DISC1: variants seen among roughly 807,000 people sequenced by gnomAD.
The protein encoded by DISC1 is DISC1 scaffold protein.
Under a neutral mutation model 84.5 loss-of-function variants are expected in DISC1, and 57 were observed. The ratio of observed to expected loss-of-function variants is 0.67; its 90% CI spans 0.55 to 0.84. DISC1 has a LOEUF of 0.84. Ranked by LOEUF, DISC1 falls within the 40% of genes least tolerant of loss-of-function variation. The pLI, the probability that DISC1 is intolerant of heterozygous loss-of-function variation, is 0.00. For synonymous variants in DISC1, 411 were observed against 415.2 expected, an observed-to-expected ratio of 0.99 and a Z score of 0.12; for missense variants, 1,000 against 1,057.8, an observed-to-expected ratio of 0.95 and a Z score of 0.76.
chr1:231,920,325 C>T (rs2089917912), intron 9 of DISC1, among the ~76,000 whole-genome samples: 1 of 152,182 alleles, frequency 6.6e-6, no homozygotes, highest in African/African-American at 2.4e-5. Flanking sequence ...TCATTAAGGA[C>T]ATTCACATTG....
chr1:231,866,637 C>A lies in DISC1; in HGVS notation c.1981+48120C>A, dbSNP rs2085081601. 10 of 1,579,768 alleles carry A rather than the reference C, an allele frequency of 6.3e-6. No homozygotes were observed. In the South Asian group the frequency reaches 8.2e-5, roughly 13 times the overall value. On this transcript the variant is annotated intron_variant, in intron 9 of 12. Transcript: ENST00000439617. ...ACCCAGAGAGTCTGACTTCAGCCCCCAGCGCTCAACTACTATTAATTGAAA... is the reference window on the plus strand; with the variant it reads ...ACCCAGAGAGTCTGACTTCAGCCCCAAGCGCTCAACTACTATTAATTGAAA...
intron 8 of DISC1, among the ~76,000 whole-genome samples, chr1:231,811,809 C>T (rs868510550): frequency 9.2e-5 from 14 of 152,170 alleles, no homozygotes; most frequent in African/African-American, 2.7e-4. Flanking sequence ...TCAAGTTCAG[C>T]AATCTCGCAT....
intron 11 of DISC1, among the ~76,000 whole-genome samples, chr1:232,018,403 T>C (rs1324295098): frequency 6.6e-6 from 1 of 152,224 alleles, no homozygotes; most frequent in Admixed American, 6.5e-5. Context: ...GTCATGGAAT[T>C]TGTGACTGTT....
In DISC1 at chr1:231,841,102, G is replaced by A. The variant is rs138013500; in HGVS notation, c.1981+22585G>A. Reference sequence around the variant, plus strand: ...TTGAGGCCTGACATGATGCTCAAAGGAAAAGCTCATAGAAGCATTTCGGAT... The same window carrying A: ...TTGAGGCCTGACATGATGCTCAAAGAAAAAGCTCATAGAAGCATTTCGGAT... On this transcript the variant is annotated intron_variant, in intron 9 of 12. Coordinates refer to ENST00000439617, the MANE Select transcript of DISC1 (RefSeq NM_018662.3). 9.7e-3 allele frequency among the ~76,000 whole-genome samples: 1,469 copies of A among 152,078 alleles called. 23 individuals are homozygous for A. The highest frequency in any genetic ancestry group is 0.032 in the African/African-American group (1,345 of 41,464).
intron 9 of DISC1, among the ~76,000 whole-genome samples, chr1:231,927,919 C>T (rs1306367061): frequency 2.6e-5 from 4 of 152,210 alleles, no homozygotes; most frequent in Non-Finnish European, 4.4e-5. Context: ...GGCTGCCCCG[C>T]CAGGCCACTC....
chr1:231,944,908 C>G (rs1055576402), intron 9 of DISC1: 1 of 152,178 alleles, frequency 6.6e-6, no homozygotes, highest in Admixed American at 6.5e-5. Context: ...CTAAATATAT[C>G]TGCACCCAAT....
intron 3 of DISC1, among the ~76,000 whole-genome samples, chr1:231,721,484 A>G (rs2069692677): frequency 6.6e-6 from 1 of 152,228 alleles, no homozygotes; most frequent in African/African-American, 2.4e-5. Flanking sequence ...ATATATCAAA[A>G]CTGTATCAAA....
At chr1:231,831,850 G>T (rs1207051044) in intron 9 of DISC1, among the ~76,000 whole-genome samples, 12 of 14,578 alleles carry the variant, frequency 8.2e-4, no homozygotes, top group Non-Finnish European at 1.6e-3. Flanking sequence ...GAGAGGTAGT[G>T]GGGGGGGGTG....
chr1:231,859,551 A>G (rs1177162326), intron 9 of DISC1, among the ~76,000 whole-genome samples: 3 of 128,860 alleles, frequency 2.3e-5, no homozygotes, highest in Non-Finnish European at 4.8e-5. Context: ...AAACCCCTAC[A>G]TCTTAATACC....
At chr1:231,834,956 C>T (rs1263277819) in intron 9 of DISC1, among the ~76,000 whole-genome samples, 1 of 152,138 alleles carries the variant, frequency 6.6e-6, no homozygotes, top group Non-Finnish European at 1.5e-5. Flanking sequence ...AGATAAAACG[C>T]GTCTCCTTCA....
chr1:231,649,181 C>T (rs542868807), intron 1 of DISC1, among the ~76,000 whole-genome samples: 5 of 152,318 alleles, frequency 3.3e-5, no homozygotes, highest in African/African-American at 9.6e-5. Context: ...CCTGCTTTCT[C>T]TTATGGACAT....
At chr1:231,754,934 C>T (rs1470440750) in intron 4 of DISC1, among the ~76,000 whole-genome samples, 3 of 152,122 alleles carry the variant, frequency 2.0e-5, no homozygotes, top group Non-Finnish European at 1.5e-5. Flanking sequence ...AGTGAATGTT[C>T]CATTCACTTT....
chr1:231,834,757 A>C (rs1256668109), intron 9 of DISC1, among the ~76,000 whole-genome samples: 2 of 151,692 alleles, frequency 1.3e-5, no homozygotes, highest in East Asian at 2.0e-4. Flanking sequence ...GAGAGAAGGG[A>C]TGGGGGGTTC....
At position 231,795,284 on chromosome 1, in the gene DISC1, A is replaced by G; in HGVS notation, c.1677A>G (p.Glu559=). ...RIKSLNLSLK[E]ITTKVCMSEK... is the part of the protein sequence containing the mutation. ...AATCCCTCAACTTGTCACTTAAAGA[A>G]ATCACTACTAAGGTAAGTACCTTTA... Residue 559 remains glutamate (E), a synonymous_variant, in exon 7 of 13, where the codon GAA becomes GAG. Coordinates refer to ENST00000439617, the MANE Select transcript of DISC1 (RefSeq NM_018662.3). The G allele has an allele frequency of 6.2e-7, 1 of 1,613,390 alleles. No individual in the cohort carries two copies. The highest frequency in any genetic ancestry group is 8.5e-7 in the Non-Finnish European group (1 of 1,179,434).
At chr1:232,007,374 A>G (rs1052217578) in intron 10 of DISC1, among the ~76,000 whole-genome samples, 10 of 152,200 alleles carry the variant, frequency 6.6e-5, no homozygotes, top group African/African-American at 1.7e-4. Flanking sequence ...GCAAAGCCAT[A>G]GGGGTGGAGC....
At chr1:231,941,464 C>T (rs559656212) in intron 9 of DISC1, among the ~76,000 whole-genome samples, 1 of 148,816 alleles carries the variant, frequency 6.7e-6, no homozygotes, top group South Asian at 2.2e-4. Flanking sequence ...GTGCTCTCCC[C>T]ATGAAACTTC....
chr1:231,690,286 C>G (rs1242252523), intron 1 of DISC1, among the ~76,000 whole-genome samples: 1 of 152,158 alleles, frequency 6.6e-6, no homozygotes, highest in Non-Finnish European at 1.5e-5. Context: ...TGATCTGTTG[C>G]GGAACAAGAG....
At chr1:231,813,553 T>C (rs796267341) in intron 8 of DISC1, among the ~76,000 whole-genome samples, 2 of 152,230 alleles carry the variant, frequency 1.3e-5, no homozygotes, top group African/African-American at 4.8e-5. Flanking sequence ...AAATTACCGA[T>C]CCGGGAAAAG....
chr1:232,009,112 G>A lies in DISC1; in HGVS notation c.2307+63G>A. 6.2e-7 allele frequency: 1 copy of A among 1,607,168 alleles called. No individual in the cohort carries two copies. Among genetic ancestry groups the A allele is most frequent in the Non-Finnish European group, 8.5e-7 (1 of 1,176,462 alleles). On this transcript the variant is annotated intron_variant, in intron 11 of 12. Transcript: ENST00000439617. The surrounding 1 kb of genome is among the most constrained non-coding windows in gnomAD (Gnocchi z 4.6). ...ATTCTAAGGGGTGCTTTGGGACCAT[G>A]CTCCAAATGGGAACAATAAATATTG...
Sources: gnomAD v4.1 joint callset for allele counts (sites outside exome capture counted in the v4.1 genomes callset) on GRCh38, gnomAD v4.1.1 for gene constraint, Gnocchi (gnomAD v3.1) non-coding constraint, MANE v1.5 for transcripts, NCBI Gene and HGNC (gene_info 2026-07-23, HGNC 2026-07-21) for gene names.